The following CACNA1D variants were observed in gnomAD, a reference collection of about 807,000 sequenced individuals.
CACNA1D encodes the protein calcium voltage-gated channel subunit alpha1 D.
CACNA1D carries 55 observed loss-of-function variants against 257.1 expected under a neutral mutation model. That is an observed-to-expected ratio of 0.21 (90% CI 0.17 to 0.27). The LOEUF (loss-of-function observed/expected upper bound fraction) is 0.27. Among genes scored for constraint, CACNA1D ranks in the 10% least tolerant of loss-of-function variants. CACNA1D has a pLI of 1.00. For missense variants in CACNA1D, 1,876 were observed against 2,784.0 expected, an observed-to-expected ratio of 0.67 and a Z score of 7.34; for synonymous variants, 980 against 1,014.9, an observed-to-expected ratio of 0.97 and a Z score of 0.65.
At chr3:53,737,293 G>T (rs993149457) in intron 20 of CACNA1D, among the ~76,000 whole-genome samples, 14 of 152,100 alleles carry the variant, frequency 9.2e-5, no homozygotes, top group African/African-American at 3.4e-4. Flanking sequence ...AAAATATTTT[G>T]GGGGAAAAAA....
At chr3:53,500,724 G>A (rs114060294) in intron 2 of CACNA1D, among the ~76,000 whole-genome samples, 2,504 of 152,180 alleles carry the variant, frequency 0.016, 37 homozygotes, top group Middle Eastern at 0.048. Context: ...CAATCATTTT[G>A]GCAGATGTCA....
At chr3:53,677,640 A>G (rs984777384) in intron 8 of CACNA1D, among the ~76,000 whole-genome samples, 1 of 152,198 alleles carries the variant, frequency 6.6e-6, no homozygotes, top group Non-Finnish European at 1.5e-5. Flanking sequence ...GTTGTACTCA[A>G]TGTCACCCAA....
At chr3:53,671,507 G>A (rs1576303421) in intron 7 of CACNA1D, among the ~76,000 whole-genome samples, 1 of 152,228 alleles carries the variant, frequency 6.6e-6, no homozygotes, top group African/African-American at 2.4e-5. Context: ...TGGTATAGTT[G>A]CTCTGGATGA....
At chr3:53,504,737 G>A (rs1391819761) in intron 3 of CACNA1D, among the ~76,000 whole-genome samples, 1 of 151,988 alleles carries the variant, frequency 6.6e-6, no homozygotes, top group African/African-American at 2.4e-5. Flanking sequence ...TGTATCAAGT[G>A]TCAGAGTGGG....
In CACNA1D at chr3:53,600,284, T is replaced by C. The variant is rs933380282; in HGVS notation, c.484-50495T>C. ...TCTTTTCAGCTTCCTCCTCAATTGA[T>C]ACGGATGAAGTATTTGCTGAATCTG... On this transcript the variant is annotated intron_variant, in intron 3 of 47. Transcript: ENST00000350061. Among the ~76,000 whole-genome samples the C allele has an allele frequency of 3.3e-5, 5 of 152,358 alleles. No individual in the cohort carries two copies. In the East Asian group the frequency reaches 9.6e-4, roughly 29 times the overall value.
At chr3:53,776,194 G>A in intron 35 of CACNA1D, 149 bp downstream of exon 35, 1 of 781,776 alleles carries the variant, frequency 1.3e-6, no homozygotes, top group South Asian at 1.4e-5. Flanking sequence ...GAGGGCTTTT[G>A]TTTAACCAGG....
At chr3:53,516,483 A>G (rs1213271771) in intron 3 of CACNA1D, among the ~76,000 whole-genome samples, 1 of 152,218 alleles carries the variant, frequency 6.6e-6, no homozygotes, top group African/African-American at 2.4e-5. Flanking sequence ...GCTCACCCAC[A>G]GCATAGCGCT....
At chr3:53,718,623 TGTAAGTAGAGCCCGTGAAGAATGTGGTG>T (rs1421579576) in intron 10 of CACNA1D, 199 of 900,190 alleles carry the variant, frequency 2.2e-4, no homozygotes, top group Non-Finnish European at 3.0e-4. Context: ...TGCCTCTTCC[TGTAAGTAGAGCCCGTGAAGAATGTGGTG>T]GTTAACCTGG....
chr3:53,728,024 C>A (rs547405347), intron 15 of CACNA1D, among the ~76,000 whole-genome samples: 1 of 152,196 alleles, frequency 6.6e-6, no homozygotes, highest in African/African-American at 2.4e-5. Flanking sequence ...AAGAGCCACC[C>A]CTGCCCTGTC....
chr3:53,809,050 T>G, intron 46 of CACNA1D: 1 of 459,244 alleles, frequency 2.2e-6, no homozygotes, highest in Non-Finnish European at 4.0e-6. Flanking sequence ...CCACCACCTC[T>G]TCCTGGCATT....
intron 3 of CACNA1D, among the ~76,000 whole-genome samples, chr3:53,622,323 T>A (rs1360174275): frequency 6.6e-6 from 1 of 152,228 alleles, no homozygotes; most frequent in African/African-American, 2.4e-5. Context: ...ATAAGGCCTG[T>A]GACCCAGCAA....
At chr3:53,740,668 T>G (rs1396671542) in intron 21 of CACNA1D, among the ~76,000 whole-genome samples, 2 of 152,148 alleles carry the variant, frequency 1.3e-5, no homozygotes, top group African/African-American at 4.8e-5. Context: ...TTTTTGCTCT[T>G]TTTAACCTTT....
intron 3 of CACNA1D, among the ~76,000 whole-genome samples, chr3:53,530,615 C>A (rs1441597552): frequency 6.6e-6 from 1 of 152,160 alleles, no homozygotes; most frequent in African/African-American, 2.4e-5. Context: ...GACAGGCTTC[C>A]CCTCCCCACT....
intron 3 of CACNA1D, among the ~76,000 whole-genome samples, chr3:53,548,075 G>T (rs2092450737): frequency 6.6e-6 from 1 of 152,132 alleles, no homozygotes; most frequent in South Asian, 2.1e-4. Flanking sequence ...AAGGAGTAGA[G>T]GTGATTTGCA....
intron 8 of CACNA1D, among the ~76,000 whole-genome samples, chr3:53,683,254 C>T (rs755001100): frequency 2.6e-5 from 4 of 152,158 alleles, no homozygotes; most frequent in Non-Finnish European, 4.4e-5. Flanking sequence ...GAAATCTCTC[C>T]GTGCTGGGAG....
chr3:53,726,024 T>C (rs2612034), intron 14 of CACNA1D, among the ~76,000 whole-genome samples: 138,105 of 152,286 alleles, frequency 0.91, 62,873 homozygotes, highest in East Asian at 1. Flanking sequence ...TTTCCTGCTT[T>C]TGTAATTTCA....
intron 15 of CACNA1D, among the ~76,000 whole-genome samples, chr3:53,728,467 C>T (rs998835617): frequency 1.3e-5 from 2 of 152,196 alleles, no homozygotes; most frequent in African/African-American, 4.8e-5. Flanking sequence ...GTGGGCATTC[C>T]TCCATCTCCC....
intron 8 of CACNA1D, among the ~76,000 whole-genome samples, chr3:53,686,950 A>G (rs2094478214): frequency 6.6e-6 from 1 of 152,102 alleles, no homozygotes; most frequent in Non-Finnish European, 1.5e-5. Flanking sequence ...GTGACAGGAT[A>G]CAAAGTCAGT....
chr3:53,588,107 A>G (rs2093248816), intron 3 of CACNA1D, among the ~76,000 whole-genome samples: 1 of 152,244 alleles, frequency 6.6e-6, no homozygotes, highest in African/African-American at 2.4e-5. Flanking sequence ...TGTAGAGAAC[A>G]CACACTTTTA....
Sources: gnomAD v4.1 joint callset for allele counts (sites outside exome capture counted in the v4.1 genomes callset) on GRCh38, gnomAD v4.1.1 for gene constraint, MANE v1.5 for transcripts, NCBI Gene and HGNC (gene_info 2026-07-23, HGNC 2026-07-21) for gene names.